DYM: variants seen among roughly 807,000 people sequenced by gnomAD.
DYM encodes dyggve-Melchior-Clausen syndrome protein.
Under a neutral mutation model 93.1 loss-of-function variants are expected in DYM, and 78 were observed. That is an observed-to-expected ratio of 0.84 (90% CI 0.70 to 1.01). The LOEUF (loss-of-function observed/expected upper bound fraction) is 1.01. DYM is among the 50% of genes least tolerant of loss of function. The probability of loss-of-function intolerance (pLI) is 0.00; values close to 1 mark genes in which losing one functional copy is unlikely to be tolerated. For synonymous variants in DYM, 321 were observed against 319.7 expected (o/e 1.00, Z -0.04); for missense variants, 789 against 845.0 (o/e 0.93, Z 0.82).
chr18:49,423,912 A>G (rs2073997276), intron 2 of DYM, among the ~76,000 whole-genome samples: 1 of 152,248 alleles, frequency 6.6e-6, no homozygotes, highest in Non-Finnish European at 1.5e-5. Flanking sequence ...TTAATAGCCT[A>G]TAAACCAAAA....
At chr18:49,197,208 A>G (rs536892402) in intron 14 of DYM, among the ~76,000 whole-genome samples, 32 of 152,210 alleles carry the variant, frequency 2.1e-4, no homozygotes, top group Non-Finnish European at 4.3e-4. Context: ...TGGACTATCA[A>G]TTTGGAACAT....
chr18:49,388,872 T>C (rs2068888547), intron 3 of DYM, among the ~76,000 whole-genome samples: 1 of 129,714 alleles, frequency 7.7e-6, no homozygotes, highest in South Asian at 2.3e-4. Context: ...CAGCAAAACA[T>C]ATGCTTCAAA....
At chr18:49,128,145 C>T (rs1488034088) in intron 15 of DYM, among the ~76,000 whole-genome samples, 1 of 152,190 alleles carries the variant, frequency 6.6e-6, no homozygotes, top group African/African-American at 2.4e-5. Flanking sequence ...CCAGAGAACT[C>T]ATACAAAGAG....
At chr18:49,284,218 C>T (rs1236917206) in intron 9 of DYM, among the ~76,000 whole-genome samples, 4 of 152,184 alleles carry the variant, frequency 2.6e-5, no homozygotes, top group African/African-American at 4.8e-5. Context: ...CTAATAAATG[C>T]TATGAACCAG....
intron 14 of DYM, among the ~76,000 whole-genome samples, chr18:49,169,843 T>C (rs2145218097): frequency 6.6e-6 from 1 of 152,214 alleles, no homozygotes; most frequent in Middle Eastern, 3.4e-3. Context: ...AGATGACAAG[T>C]GAACAAGACT....
At chr18:49,165,345 T>C (rs765612796) in intron 14 of DYM, among the ~76,000 whole-genome samples, 2 of 152,168 alleles carry the variant, frequency 1.3e-5, no homozygotes, top group Non-Finnish European at 2.9e-5. Context: ...TTGGGATAGA[T>C]GGCAGCTTAA....
chr18:49,286,201 T>C (rs2059652955), intron 9 of DYM, among the ~76,000 whole-genome samples: 1 of 152,206 alleles, frequency 6.6e-6, no homozygotes, highest in African/African-American at 2.4e-5. Context: ...AAACACATGC[T>C]GGTTGGTTGT....
chr18:49,155,294 G>A (rs12608426), intron 15 of DYM, among the ~76,000 whole-genome samples: 17,422 of 152,126 alleles, frequency 0.11, 1,185 homozygotes, highest in East Asian at 0.29. Context: ...TGCTAGCCAT[G>A]CTGATCTTTA....
intron 1 of DYM, among the ~76,000 whole-genome samples, chr18:49,443,116 G>A (rs1357102042): frequency 6.6e-6 from 1 of 151,988 alleles, no homozygotes; most frequent in African/African-American, 2.4e-5. Flanking sequence ...CCAAAATGCC[G>A]GGATTATAGG....
At chr18:49,431,950 A>G (rs577073510) in intron 1 of DYM, 6 of 152,392 alleles carry the variant, frequency 3.9e-5, no homozygotes, top group Non-Finnish European at 7.3e-5. Flanking sequence ...AGGGGCCCCA[A>G]TAACTCAATT....
chr18:49,087,786 T>C (rs1381795372), intron 17 of DYM, among the ~76,000 whole-genome samples: 5 of 152,026 alleles, frequency 3.3e-5, no homozygotes, highest in Non-Finnish European at 7.4e-5. Flanking sequence ...ACCTGTTGTT[T>C]CCTGACTTTT....
intron 14 of DYM, 96 bp from the exon 15 acceptor site, chr18:49,163,883 T>G: frequency 1.3e-6 from 1 of 768,312 alleles, no homozygotes; most frequent in Non-Finnish European, 2.2e-6. Context: ...TCAATTATTC[T>G]AAAATATACT....
At chr18:49,163,586 C>T (rs1037861353) in intron 15 of DYM, 99 bp downstream of exon 15, 71 of 750,492 alleles carry the variant, frequency 9.5e-5, no homozygotes, top group Admixed American at 1.4e-4. Context: ...CCAAGTGATC[C>T]ATCTGCCTCG....
intron 15 of DYM, among the ~76,000 whole-genome samples, chr18:49,138,750 T>C (rs1043341265): frequency 1.3e-5 from 2 of 152,066 alleles, no homozygotes; most frequent in African/African-American, 4.8e-5. Flanking sequence ...CTGAAAATTG[T>C]GAAAAATGCT....
Position 49,044,106 on chromosome 18 carries a change from G to A in DYM, c.2124C>T (p.Gly708=). ...GGATGTCCTGTGGATTCCAGTACAG[G>A]CCGACTGCTGAGTTGTAGACAAGAG... ...VWSLVYNSAV[G]LYWNPQDIQL... Residue 708 remains glycine (G), a synonymous_variant, in exon 18 of 18, where the codon GGC becomes GGT. Coordinates refer to ENST00000675505, the MANE Select transcript of DYM (RefSeq NM_001353214.3). The A allele has an allele frequency of 6.2e-7, 1 of 1,614,054 alleles. No homozygotes were observed. Among genetic ancestry groups the A allele is most frequent in the Non-Finnish European group, 8.5e-7 (1 of 1,180,026 alleles).
intron 2 of DYM, among the ~76,000 whole-genome samples, chr18:49,396,227 C>T (rs2070057677): frequency 6.6e-6 from 1 of 152,100 alleles, no homozygotes; most frequent in Non-Finnish European, 1.5e-5. Context: ...CAACACAAAA[C>T]AGACCAAGAC....
intron 17 of DYM, among the ~76,000 whole-genome samples, chr18:49,059,451 A>T (rs357901): frequency 0.71 from 108,549 of 152,102 alleles, 42,495 homozygotes; most frequent in Non-Finnish European, 0.88. Flanking sequence ...AACTGTAATC[A>T]CTAGTGCTTT....
intron 2 of DYM, among the ~76,000 whole-genome samples, chr18:49,392,938 T>C (rs113134868): frequency 0.065 from 8,966 of 137,744 alleles, 419 homozygotes; most frequent in East Asian, 0.24. Flanking sequence ...GAGGTTACAG[T>C]GAGCCAAGAT....
At chr18:49,360,332 A>T (rs200438133) in intron 6 of DYM, among the ~76,000 whole-genome samples, 37 of 152,180 alleles carry the variant, frequency 2.4e-4, no homozygotes, top group South Asian at 4.1e-4. Context: ...ATAAAAAAAA[A>T]AAATATTTAG....
Sources: gnomAD v4.1 joint callset for allele counts (sites outside exome capture counted in the v4.1 genomes callset) on GRCh38, gnomAD v4.1.1 for gene constraint, MANE v1.5 for transcripts, NCBI Gene and HGNC (gene_info 2026-07-23, HGNC 2026-07-21) for gene names.